Variants in SERBP1 observed in about 807,000 individuals in gnomAD.
SERBP1 encodes the protein SERPINE1 mRNA binding protein 1.
SERBP1 carries 6 observed loss-of-function variants against 50.2 expected under a neutral mutation model. The ratio of observed to expected loss-of-function variants is 0.12; its 90% CI spans 0.07 to 0.24. SERBP1 has a LOEUF of 0.24. Among genes scored for constraint, SERBP1 ranks in the 10% least tolerant of loss-of-function variants. SERBP1 has a pLI of 1.00. For missense variants in SERBP1, 346 were observed against 524.9 expected (o/e 0.66, Z 3.33); for synonymous variants, 168 against 182.8 (o/e 0.92, Z 0.65).
intron 5 of SERBP1, among the ~76,000 whole-genome samples, chr1:67,421,636 CTGAG>C (rs1477578382): frequency 2.6e-5 from 4 of 152,328 alleles, no homozygotes; most frequent in Middle Eastern, 3.4e-3. Flanking sequence ...TTGCATATCA[CTGAG>C]TGATTGAACA....
intron 6 of SERBP1, among the ~76,000 whole-genome samples, chr1:67,415,882 AC>A (rs1666988196): frequency 6.6e-6 from 1 of 152,186 alleles, no homozygotes; most frequent in East Asian, 1.9e-4. Flanking sequence ...TTAATACACA[AC>A]CACTACGTTT....
At position 67,412,187 on chromosome 1, in the gene SERBP1, G is replaced by C. The variant is rs1005351089; in HGVS notation, c.*1020C>G. The C allele has an allele frequency of 6.6e-6, 1 of 152,634 alleles. No homozygotes were observed. The highest frequency in any genetic ancestry group is 6.5e-5 in the Admixed American group (1 of 15,286). 9.5% of individuals were successfully genotyped at this position (152,634 alleles called of 1,614,324 possible). On this transcript the variant is annotated 3_prime_UTR_variant, in exon 8 of 8. Coordinates refer to ENST00000361219, the MANE Select transcript of SERBP1 (RefSeq NM_001018069.2). ...TTGGTTTTTGTTTTAGAACAAGGAAGGGTTAAATGGTGGCTGATTATGGAT... is the reference window on the plus strand; with the variant it reads ...TTGGTTTTTGTTTTAGAACAAGGAACGGTTAAATGGTGGCTGATTATGGAT...
rs532845994 is a variant in SERBP1, at chr1:67,410,984, G to A, written c.*2223C>T. On this transcript the variant is annotated 3_prime_UTR_variant, in exon 8 of 8. Transcript: ENST00000361219. Reference sequence around the variant, plus strand: ...ATAAACACACAGGGGTGTGCACACAGGTCAGAAACCAGGAAACACATGACA... The same window carrying A: ...ATAAACACACAGGGGTGTGCACACAAGTCAGAAACCAGGAAACACATGACA... 12 of 152,198 alleles carry A rather than the reference G, an allele frequency of 7.9e-5. No homozygotes were observed. Among genetic ancestry groups the A allele is most frequent in the African/African-American group, 2.9e-4 (12 of 41,530 alleles). The allele number at this position is 152,198 out of a possible 1,614,324, so 9.4% of individuals were successfully genotyped here. A position where few individuals can be genotyped will look rare whatever the true frequency, so the allele number is the denominator to read the frequency against.
rs1666703384 is a variant in SERBP1, at chr1:67,408,368, T to C, written c.*4839A>G. 6.6e-6 allele frequency: 1 copy of C among 152,104 alleles called. No homozygotes were observed. The highest frequency in any genetic ancestry group is 6.5e-5 in the Admixed American group (1 of 15,276). The allele number at this position is 152,104 out of a possible 1,614,324, so 9.4% of individuals were successfully genotyped here. ...CTAGGAATTGCCACATACTCCCAAA[T>C]GGGCAGCAAAAGGAACAAACATTAC... On this transcript the variant is annotated 3_prime_UTR_variant, in exon 8 of 8. Transcript: ENST00000361219.
chr1:67,421,062 C>T (rs547229076), intron 5 of SERBP1, among the ~76,000 whole-genome samples: 1 of 152,220 alleles, frequency 6.6e-6, no homozygotes, highest in African/African-American at 2.4e-5. Context: ...GCTCAAATAT[C>T]TCCCTGGATG....
chr1:67,415,071 T>C (rs1666958176), intron 7 of SERBP1, 95 bp downstream of exon 7: 10 of 1,344,212 alleles, frequency 7.4e-6, no homozygotes, highest in Non-Finnish European at 1.0e-5. Flanking sequence ...CTACTACTTC[T>C]ACTTATGTTC....
chr1:67,430,130 G>C lies in SERBP1; in HGVS notation c.171C>G (p.Ala57=), dbSNP rs766884999. The C allele has an allele frequency of 3.1e-6, 5 of 1,611,812 alleles. No homozygotes were observed. The highest frequency in any genetic ancestry group is 3.3e-5 in the Admixed American group (2 of 60,010). Residue 57 remains alanine (A), a synonymous_variant, in exon 1 of 8, where the codon GCC becomes GCG. Transcript: ENST00000361219. ...CCGCGTTGGAGTTGGTCTGGGCCGC[G>C]GCCTGAGCTGCGCTCTTGGCCCCAG... The part of the protein sequence containing the change: ...GGPGAKSAAQ[A]AAQTNSNAAG...
At chr1:67,416,385 A>ACC (rs1429600430) in intron 6 of SERBP1, among the ~76,000 whole-genome samples, 3 of 151,980 alleles carry the variant, frequency 2.0e-5, no homozygotes, top group Non-Finnish European at 4.4e-5. Flanking sequence ...AAGATACATG[A>ACC]CCCAGTCTGG....
At position 67,429,999 on chromosome 1, in the gene SERBP1, A is replaced by G. The variant is rs768752594; in HGVS notation, c.302T>C (p.Leu101Pro). The G allele has an allele frequency of 6.2e-7, 1 of 1,608,500 alleles. No individual in the cohort carries two copies. Among genetic ancestry groups the G allele is most frequent in the Non-Finnish European group, 8.5e-7 (1 of 1,177,496 alleles). ...TGCCCCTGCTTTACCTTCTTTCTTA[A>G]GCGCCACGGGCGGCTGCGTCTCCTC... is the stretch of plus-strand genomic sequence containing the variant. ...KKEETQPPVA[L>P]KKEGIRRVGR... The change falls in exon 1 of 8, where the codon CTT becomes CCT. Residue 101 changes from leucine (L) to proline (P), a missense_variant. By Grantham distance (98) the Leu-to-Pro change is moderately conservative. This residue lies in a region of SERBP1 where 257 missense variants were observed against 331.2 expected (regional missense o/e 0.78). Coordinates refer to ENST00000361219, the MANE Select transcript of SERBP1 (RefSeq NM_001018069.2).
At position 67,413,078 on chromosome 1, in the gene SERBP1, T is replaced by G. The variant is rs1235067241; in HGVS notation, c.*129A>C. On this transcript the variant is annotated 3_prime_UTR_variant, in exon 8 of 8. Transcript: ENST00000361219. ...TTTTTAAAACAGATAAAATTCAGTC[T>G]TTAGGTGTGAATGGTATGAATGACA... The G allele has an allele frequency of 8.2e-7, 1 of 1,213,814 alleles. No individual in the cohort carries two copies. Among genetic ancestry groups the G allele is most frequent in the African/African-American group, 1.6e-5 (1 of 61,504 alleles). 75.2% of individuals were successfully genotyped at this position (1,213,814 alleles called of 1,614,324 possible).
At chr1:67,424,764 C>G in intron 4 of SERBP1, 124 bp downstream of exon 4, 1 of 745,016 alleles carries the variant, frequency 1.3e-6, no homozygotes, top group East Asian at 2.6e-5. Context: ...AAGACATTAT[C>G]TTGTAATATA....
intron 5 of SERBP1, among the ~76,000 whole-genome samples, chr1:67,421,590 A>C (rs1667199025): frequency 6.6e-6 from 1 of 152,214 alleles, no homozygotes; most frequent in Non-Finnish European, 1.5e-5. Flanking sequence ...ATAGCCTATC[A>C]ATACATTAGT....
rs143403907 is a variant in SERBP1, at chr1:67,421,681, C to T, written c.774-1495G>A. 3.7e-3 allele frequency among the ~76,000 whole-genome samples: 560 copies of T among 152,254 alleles called. 5 individuals are homozygous for T. Among genetic ancestry groups the T allele is most frequent in the African/African-American group, 0.013 (534 of 41,556 alleles). On this transcript the variant is annotated intron_variant, in intron 5 of 7. Coordinates refer to ENST00000361219, the MANE Select transcript of SERBP1 (RefSeq NM_001018069.2). ...TCTATTAAACAGTTGTGGTTGGACA[C>T]GGTGGCTCACACCTGTAATCCCAGC...
chr1:67,407,826 A>C lies in SERBP1; in HGVS notation c.*5381T>G, dbSNP rs1666684559. ...TATACAAAGTTCCCAAAATAAAACA[A>C]AAATTTACTTGGACGTTATTCATTG... On this transcript the variant is annotated 3_prime_UTR_variant, in exon 8 of 8. Transcript: ENST00000361219. 5.9e-5 allele frequency: 9 copies of C among 152,246 alleles called. No individual in the cohort carries two copies. The highest frequency in any genetic ancestry group is 5.2e-4 in the Admixed American group (8 of 15,288). The allele number at this position is 152,246 out of a possible 1,614,324, so 9.4% of individuals were successfully genotyped here.
At chr1:67,414,353 A>G (rs1557499905) in intron 7 of SERBP1, among the ~76,000 whole-genome samples, 1 of 121,404 alleles carries the variant, frequency 8.2e-6, no homozygotes, top group Non-Finnish European at 1.9e-5. Flanking sequence ...GCCCATCAAC[A>G]CAACCACCAC....
chr1:67,419,910 TAACA>T (rs2100425207), intron 6 of SERBP1, 95 bp downstream of exon 6: 1 of 1,045,078 alleles, frequency 9.6e-7, no homozygotes, highest in Non-Finnish European at 1.4e-6. Context: ...TGTAAAGCTT[TAACA>T]GACAAATAAC....
intron 6 of SERBP1, among the ~76,000 whole-genome samples, chr1:67,416,235 A>G (rs1434492382): frequency 2.0e-5 from 3 of 151,836 alleles, no homozygotes; most frequent in Non-Finnish European, 4.4e-5. Flanking sequence ...CTGGTCTCAA[A>G]CTCCTAGGCT....
chr1:67,426,355 A>C, intron 1 of SERBP1, 70 bp from the exon 2 acceptor site: 1 of 1,438,810 alleles, frequency 7.0e-7, no homozygotes, highest in Non-Finnish European at 9.2e-7. Flanking sequence ...CTGGACTGTC[A>C]AAAGCTGCTT....
At chr1:67,429,038 T>C (rs1667478429) in intron 1 of SERBP1, among the ~76,000 whole-genome samples, 1 of 152,106 alleles carries the variant, frequency 6.6e-6, no homozygotes, top group East Asian at 1.9e-4. Flanking sequence ...AAGACAATCC[T>C]GTGAAACTCA....
Sources: gnomAD v4.1 joint callset for allele counts (sites outside exome capture counted in the v4.1 genomes callset) on GRCh38, gnomAD v4.1.1 for gene constraint, gnomAD v4.1.1 regional missense constraint, MANE v1.5 for transcripts, NCBI Gene and HGNC (gene_info 2026-07-23, HGNC 2026-07-21) for gene names.